COL12A1: variants seen among roughly 807,000 people sequenced by gnomAD.
The protein encoded by COL12A1 is collagen type XII alpha 1 chain.
A neutral mutation model predicts 349.7 loss-of-function variants in COL12A1; 114 were observed. The observed-to-expected ratio is 0.33, with a 90% CI of 0.28 to 0.38. The LOEUF (loss-of-function observed/expected upper bound fraction) is 0.38, where lower values mean the gene tolerates loss of function less well. COL12A1 is among the 10% of genes least tolerant of loss of function. COL12A1 has a pLI of 1.00. For missense variants in COL12A1, 3,284 were observed against 3,756.9 expected (o/e 0.87, Z 3.29); for synonymous variants, 1,369 against 1,329.0 (o/e 1.03, Z -0.66).
In COL12A1 at chr6:75,095,146, T is replaced by G. The variant is rs1767943929; in HGVS notation, c.8611A>C (p.Ser2871Arg). 1.9e-6 allele frequency: 3 copies of G among 1,614,010 alleles called. No homozygotes were observed. The highest frequency in any genetic ancestry group is 2.5e-6 in the Non-Finnish European group (3 of 1,180,018). The part of the protein sequence containing the change: ...SPGSPGVTGP[S>R]GKPGKPGDHG... Reference sequence around the variant, plus strand: ...TCTCCAGGTTTTCCTGGCTTCCCACTTGGTCCTGTGACTCCTGGGGAGCCT... The same window carrying G: ...TCTCCAGGTTTTCCTGGCTTCCCACGTGGTCCTGTGACTCCTGGGGAGCCT... Residue 2871 changes from serine (S) to arginine (R), a missense_variant, in exon 60 of 66, where the codon AGT becomes CGT. Ser to Arg is a moderately radical substitution (Grantham distance 110). Transcript: ENST00000322507.
intron 59 of COL12A1, among the ~76,000 whole-genome samples, chr6:75,095,389 G>C (rs1263744595): frequency 6.6e-6 from 1 of 151,798 alleles, no homozygotes; most frequent in East Asian, 1.9e-4. Flanking sequence ...AGGCCGAGGC[G>C]GGTGGATCAT....
chr6:75,125,041 T>A (rs115701016), intron 40 of COL12A1, 86 bp downstream of exon 40: 9 of 1,324,270 alleles, frequency 6.8e-6, no homozygotes, highest in Non-Finnish European at 2.0e-6. Flanking sequence ...AACATGTATA[T>A]GTTCAGAAAC....
chr6:75,165,098 A>C (rs1187680137), intron 14 of COL12A1, among the ~76,000 whole-genome samples: 1 of 152,108 alleles, frequency 6.6e-6, no homozygotes, highest in Non-Finnish European at 1.5e-5. Flanking sequence ...TCACAACTCT[A>C]AGAGACAAGA....
chr6:75,191,650 A>T, intron 5 of COL12A1, 51 bp downstream of exon 5: 1 of 1,277,750 alleles, frequency 7.8e-7, no homozygotes, highest in Non-Finnish European at 1.1e-6. Context: ...GTTCTATCCT[A>T]CATTTATGAC....
At chr6:75,092,597 C>G (rs1363290263) in intron 60 of COL12A1, among the ~76,000 whole-genome samples, 1 of 135,390 alleles carries the variant, frequency 7.4e-6, no homozygotes, top group Non-Finnish European at 1.5e-5. Flanking sequence ...TTCTCACCAT[C>G]CCCATGGAAA....
chr6:75,126,783 T>G (rs1463695081), intron 38 of COL12A1, among the ~76,000 whole-genome samples: 1 of 152,110 alleles, frequency 6.6e-6, no homozygotes, highest in Non-Finnish European at 1.5e-5. Flanking sequence ...CTCAAATCAT[T>G]TTTAGAATGT....
chr6:75,166,577 A>G (rs1010294793), intron 13 of COL12A1, among the ~76,000 whole-genome samples: 24 of 152,282 alleles, frequency 1.6e-4, no homozygotes, highest in African/African-American at 4.8e-4. Flanking sequence ...CTCACTCTCC[A>G]TATTTTAAAT....
At chr6:75,159,773 G>A (rs956250229) in intron 14 of COL12A1, among the ~76,000 whole-genome samples, 2 of 151,212 alleles carry the variant, frequency 1.3e-5, no homozygotes, top group South Asian at 4.2e-4. Flanking sequence ...TCTTATGAAT[G>A]TTGATCTAAA....
chr6:75,184,975 C>T (rs1044132622), intron 8 of COL12A1, among the ~76,000 whole-genome samples: 2 of 152,062 alleles, frequency 1.3e-5, no homozygotes, highest in African/African-American at 4.8e-5. Flanking sequence ...ACATCGCCTC[C>T]TCAAAAAAGC....
At position 75,134,303 on chromosome 6, in the gene COL12A1, A is replaced by C. The variant is rs240729; in HGVS notation, c.5525-306T>G. ...CGATCAATATGGCCAGGCACGGTGGATCATGCCTGTAATCTCAGCATTTTG... is the reference window on the plus strand; with the variant it reads ...CGATCAATATGGCCAGGCACGGTGGCTCATGCCTGTAATCTCAGCATTTTG... On this transcript the variant is annotated intron_variant, in intron 32 of 65. Transcript: ENST00000322507. 0.16 allele frequency among the ~76,000 whole-genome samples: 23,621 copies of C among 152,120 alleles called. 1,871 individuals carry two copies. Among genetic ancestry groups the C allele is most frequent in the Middle Eastern group, 0.2 (60 of 294 alleles).
rs1428955960 is a variant in COL12A1 at position 75,177,923 on chromosome 6, G to A, written c.2177C>T (p.Pro726Leu). The A allele has an allele frequency of 6.2e-7, 1 of 1,601,790 alleles. No individual in the cohort carries two copies. The highest frequency in any genetic ancestry group is 8.5e-7 in the Non-Finnish European group (1 of 1,177,784). Residue 726 changes from proline to leucine, a missense_variant, in exon 12 of 66, where the codon CCT becomes CTT. Around this residue, in one of 2 missense-constraint regions of COL12A1, gnomAD observed 2,601 missense variants for 2,824.8 expected, o/e 0.92. Coordinates refer to ENST00000322507, the MANE Select transcript of COL12A1 (RefSeq NM_004370.6). ...EETTEEVKGAPRNLKVTDETT... is the reference protein window; with the variant it reads ...EETTEEVKGALRNLKVTDETT... ...CTCATCTGTCACCTTTAGGTTTCGA[G>A]GTGCTCCTTTTACTGAAATAAAAAA... is the stretch of plus-strand genomic sequence containing the variant.
At chr6:75,144,938 C>T (rs1023019959) in intron 25 of COL12A1, among the ~76,000 whole-genome samples, 1 of 152,210 alleles carries the variant, frequency 6.6e-6, no homozygotes, top group Non-Finnish European at 1.5e-5. Context: ...TCCAAAATTA[C>T]ACTCACTCAA....
chr6:75,194,647 A>T (rs930694874), intron 3 of COL12A1, among the ~76,000 whole-genome samples, 184 bp downstream of exon 3: 15 of 152,148 alleles, frequency 9.9e-5, no homozygotes, highest in African/African-American at 3.6e-4. Flanking sequence ...AATAACATTA[A>T]AATATAATAG....
Position 75,137,670 on chromosome 6 carries a change from T to A in COL12A1, c.5252-91A>T, listed in dbSNP as rs866284843. On this transcript the variant is annotated intron_variant, in intron 30 of 65. Transcript: ENST00000322507. ...AGCTCCCAAGGCAATCAGAGAATTCTATGCCTCTGGGTTTATAATTAAATT... is the reference window on the plus strand; with the variant it reads ...AGCTCCCAAGGCAATCAGAGAATTCAATGCCTCTGGGTTTATAATTAAATT... The A allele has an allele frequency of 8.1e-6, 11 of 1,355,948 alleles. No homozygotes were observed. In the South Asian group the frequency reaches 1.3e-4, roughly 16 times the overall value. 84.0% of individuals were successfully genotyped at this position (1,355,948 alleles called of 1,614,324 possible). A position where few individuals can be genotyped will look rare whatever the true frequency, so the allele number is the denominator to read the frequency against.
rs913880092 is a variant in COL12A1 at position 75,087,829 on chromosome 6, C to T, written c.9011-82G>A. 5.4e-5 allele frequency: 74 copies of T among 1,373,334 alleles called. No individual in the cohort carries two copies. In the Middle Eastern group the frequency reaches 7.5e-4, roughly 14 times the overall value. The allele number at this position is 1,373,334 out of a possible 1,614,324, so 85.1% of individuals were successfully genotyped here. A position where few individuals can be genotyped will look rare whatever the true frequency, so the allele number is the denominator to read the frequency against. On this transcript the variant is annotated intron_variant, in intron 64 of 65. Transcript: ENST00000322507. ...TAGCCACCAATACTTTAAGTGGCAC[C>T]TCCACTGTCTCAAAATTAGACAATT...
intron 27 of COL12A1, among the ~76,000 whole-genome samples, chr6:75,140,174 C>T (rs2149398331): frequency 6.6e-6 from 1 of 152,332 alleles, no homozygotes; most frequent in East Asian, 1.9e-4. Context: ...TTTCTGTTCA[C>T]TACACCTGTT....
rs113951263 is a variant in COL12A1 at position 75,155,613 on chromosome 6, TG to T, written c.3443+48del. ...CTAATTTACAAAAGCTATTCAACCT[TG>T]TAAACAAATTAATTTCATCCTTTGA... On this transcript the variant is annotated intron_variant, in intron 16 of 65. Coordinates refer to ENST00000322507, the MANE Select transcript of COL12A1 (RefSeq NM_004370.6). 3,238 of 1,557,680 alleles carry T rather than the reference TG, an allele frequency of 2.1e-3. 66 individuals are homozygous for T. The African/African-American group carries it at 0.04, about 19-fold the overall frequency.
At position 75,102,701 on chromosome 6, in the gene COL12A1, C is replaced by T. The variant is rs1280457942; in HGVS notation, c.8320-9G>A. On this transcript the variant is annotated splice_polypyrimidine_tract_variant and intron_variant, in intron 55 of 65. Coordinates refer to ENST00000322507, the MANE Select transcript of COL12A1 (RefSeq NM_004370.6). ...CGAGGACCAGGGGGCCCCTAAAATA[C>T]ACAAGAGAGAGACAACCACAAAGTA... is the stretch of plus-strand genomic sequence containing the variant. The T allele has an allele frequency of 4.6e-6, 7 of 1,526,662 alleles. No individual in the cohort carries two copies. The highest frequency in any genetic ancestry group is 6.1e-6 in the Non-Finnish European group (7 of 1,141,110). 94.6% of individuals were successfully genotyped at this position (1,526,662 alleles called of 1,614,324 possible).
rs1188720570 is a variant in COL12A1, at chr6:75,089,103, T to C, written c.9010+3A>G. On this transcript the variant is annotated splice_donor_region_variant and intron_variant, in intron 64 of 65. Coordinates refer to ENST00000322507, the MANE Select transcript of COL12A1 (RefSeq NM_004370.6). ...TGCCTGTTTAAAATACTAGCAAACC[T>C]ACCTGGGGGGCCAGGCAGCCCCCGA... 1.9e-6 allele frequency: 3 copies of C among 1,608,434 alleles called. No individual in the cohort carries two copies. The African/African-American group carries it at 4.0e-5, about 22-fold the overall frequency.
Sources: gnomAD v4.1 joint callset for allele counts (sites outside exome capture counted in the v4.1 genomes callset) on GRCh38, gnomAD v4.1.1 for gene constraint, gnomAD v4.1.1 regional missense constraint, MANE v1.5 for transcripts, NCBI Gene and HGNC (gene_info 2026-07-23, HGNC 2026-07-21) for gene names.